Variants in MERTK observed in about 807,000 individuals in gnomAD.
The protein encoded by MERTK is tyrosine-protein kinase Mer.
A neutral mutation model predicts 99.3 loss-of-function variants in MERTK; 69 were observed. The observed-to-expected ratio is 0.70, with a 90% CI of 0.57 to 0.85. MERTK has a LOEUF of 0.85. MERTK is among the 40% of genes least tolerant of loss of function. The pLI is 0.00. For missense variants in MERTK, 1,125 were observed against 1,249.4 expected (o/e 0.90, Z 1.50); for synonymous variants, 426 against 467.6 (o/e 0.91, Z 1.15).
intron 1 of MERTK, among the ~76,000 whole-genome samples, chr2:111,923,068 C>T (rs894621182): frequency 6.6e-6 from 1 of 152,220 alleles, no homozygotes; most frequent in African/African-American, 2.4e-5. Context: ...TTGCCTGGAC[C>T]ACCTCTCTTC....
intron 4 of MERTK, among the ~76,000 whole-genome samples, chr2:111,953,578 C>T (rs1685093710): frequency 1.3e-5 from 2 of 149,766 alleles, no homozygotes; most frequent in African/African-American, 4.9e-5. Context: ...ATTGTTCTCT[C>T]TTTTTTTTTT....
intron 15 of MERTK, among the ~76,000 whole-genome samples, chr2:112,014,397 T>C (rs927211845): frequency 2.6e-5 from 4 of 151,442 alleles, no homozygotes; most frequent in Admixed American, 1.3e-4. Flanking sequence ...ACTCCCGACC[T>C]CAAGTGATCA....
intron 2 of MERTK, chr2:111,941,062 C>CT (rs1684857938): frequency 2.2e-6 from 1 of 455,098 alleles, no homozygotes; most frequent in Non-Finnish European, 4.2e-6. Flanking sequence ...CTCTCTTTGG[C>CT]TTTTACTCTT....
chr2:111,997,085 A>C, intron 9 of MERTK: 1 of 657,518 alleles, frequency 1.5e-6, no homozygotes. Context: ...TGTGGAGTAC[A>C]GTGTGACATT....
chr2:112,009,859 C>T lies in MERTK; in HGVS notation c.1961-89C>T, dbSNP rs1326832103. 5.4e-5 allele frequency: 53 copies of T among 976,216 alleles called. No homozygotes were observed. The East Asian group carries it at 9.4e-4, about 17-fold the overall frequency. 60.5% of individuals were successfully genotyped at this position (976,216 alleles called of 1,614,324 possible). A position where few individuals can be genotyped will look rare whatever the true frequency, so the allele number is the denominator to read the frequency against. On this transcript the variant is annotated intron_variant, in intron 14 of 18. Coordinates refer to ENST00000295408, the MANE Select transcript of MERTK (RefSeq NM_006343.3). ...TTCAAACTGTTAACTTGGTAACACA[C>T]GGCTTCAGTTTTTCCAGTGGTCCAC...
At position 112,022,285 on chromosome 2, in the gene MERTK, A is replaced by G. The variant is rs1013178978; in HGVS notation, c.2377A>G (p.Ile793Val). ...VWAFGVTMWE[I>V]ATRGMTPYPG... The stretch of plus-strand genomic sequence containing the variant: ...GGCATTTGGCGTGACCATGTGGGAA[A>G]TAGCTACGCGGGGAATGACTCCCTA... The change falls in exon 18 of 19, where the codon ATA (isoleucine) becomes GTA (valine). Residue 793 changes from isoleucine to valine, a missense_variant. Physicochemically the swap from Ile to Val is conservative, Grantham distance 29. Coordinates refer to ENST00000295408, the MANE Select transcript of MERTK (RefSeq NM_006343.3). The G allele has an allele frequency of 1.2e-6, 2 of 1,614,224 alleles. No individual in the cohort carries two copies. Among genetic ancestry groups the G allele is most frequent in the Non-Finnish European group, 1.7e-6 (2 of 1,180,046 alleles).
intron 4 of MERTK, among the ~76,000 whole-genome samples, chr2:111,953,927 C>T (rs143154879): frequency 1.7e-4 from 26 of 152,312 alleles, no homozygotes; most frequent in African/African-American, 6.0e-4. Flanking sequence ...TCTGCCCTTC[C>T]ACCACCATGG....
chr2:112,010,282 C>T (rs747742415), intron 15 of MERTK: 4 of 499,524 alleles, frequency 8.0e-6, no homozygotes, highest in Non-Finnish European at 1.5e-5. Context: ...GGGTAAGTGG[C>T]TGCGTGCACA....
intron 4 of MERTK, among the ~76,000 whole-genome samples, chr2:111,961,769 C>T (rs1448723515): frequency 6.6e-6 from 1 of 152,120 alleles, no homozygotes; most frequent in African/African-American, 2.4e-5. Flanking sequence ...ACATTTAACC[C>T]CTCAGGAGAA....
At chr2:111,927,370 A>T (rs922364138) in intron 1 of MERTK, among the ~76,000 whole-genome samples, 1 of 152,158 alleles carries the variant, frequency 6.6e-6, no homozygotes, top group Non-Finnish European at 1.5e-5. Context: ...AACCTAGAGG[A>T]AAAATTCCCA....
In MERTK at chr2:112,019,449, G is replaced by A. The variant is rs1170946687; in HGVS notation, c.2116G>A (p.Asp706Asn). Residue 706 changes from aspartate to asparagine, a missense_variant, in exon 16 of 19, where the codon GAT becomes AAT. By Grantham distance (23) the Asp-to-Asn change is conservative. Coordinates refer to ENST00000295408, the MANE Select transcript of MERTK (RefSeq NM_006343.3). Reference protein sequence around the residue: ...PLQTLLKFMVDIALGMEYLSN... With the variant: ...PLQTLLKFMVNIALGMEYLSN... ...GCAGACACTATTGAAGTTCATGGTG[G>A]ATATTGCCCTGGGAATGGAGTATCT... The A allele has an allele frequency of 6.2e-7, 1 of 1,613,702 alleles. No homozygotes were observed. The highest frequency in any genetic ancestry group is 1.3e-5 in the African/African-American group (1 of 74,978).
intron 9 of MERTK, 116 bp from the exon 10 acceptor site, chr2:111,997,207 A>G (rs759398101): frequency 1.7e-6 from 2 of 1,204,614 alleles, no homozygotes; most frequent in South Asian, 1.2e-5. Flanking sequence ...CTATATTTGT[A>G]GATTATAAAA....
intron 2 of MERTK, among the ~76,000 whole-genome samples, chr2:111,936,356 T>C (rs1362915672): frequency 6.6e-6 from 1 of 152,196 alleles, no homozygotes; most frequent in Non-Finnish European, 1.5e-5. Flanking sequence ...TGTAATCTGC[T>C]GTTGTGAAAT....
At chr2:111,932,537 A>G (rs1178251398) in intron 2 of MERTK, among the ~76,000 whole-genome samples, 5 of 152,218 alleles carry the variant, frequency 3.3e-5, no homozygotes, top group East Asian at 1.9e-4. Flanking sequence ...ATTTGCCTGT[A>G]TATGATTCTT....
intron 2 of MERTK, among the ~76,000 whole-genome samples, chr2:111,931,396 A>G (rs1684668308): frequency 6.6e-6 from 1 of 152,214 alleles, no homozygotes; most frequent in South Asian, 2.1e-4. Context: ...TTACAATTAC[A>G]TAGACATAGC....
intron 2 of MERTK, 96 bp from the exon 3 acceptor site, chr2:111,944,864 C>A: frequency 9.7e-7 from 1 of 1,026,268 alleles, no homozygotes; most frequent in Non-Finnish European, 1.5e-6. Context: ...AATTAACTAT[C>A]ACAGCATATG....
chr2:111,916,840 G>A (rs1236116619), intron 1 of MERTK, among the ~76,000 whole-genome samples: 1 of 152,092 alleles, frequency 6.6e-6, no homozygotes, highest in African/African-American at 2.4e-5. Flanking sequence ...GCTCTGGCTG[G>A]GGAAGAGGGC....
chr2:111,940,936 T>A (rs1684854844), intron 2 of MERTK: 1 of 669,890 alleles, frequency 1.5e-6, no homozygotes, highest in Non-Finnish European at 2.9e-6. Context: ...GATTTTCTGG[T>A]CTTCAAGCCA....
intron 7 of MERTK, among the ~76,000 whole-genome samples, chr2:111,977,385 G>A (rs1340384626): frequency 6.6e-6 from 1 of 152,112 alleles, no homozygotes; most frequent in East Asian, 1.9e-4. Context: ...AAAAGAAGTT[G>A]CTCCCCTATC....
Sources: gnomAD v4.1 joint callset for allele counts (sites outside exome capture counted in the v4.1 genomes callset) on GRCh38, gnomAD v4.1.1 for gene constraint, MANE v1.5 for transcripts, NCBI Gene and HGNC (gene_info 2026-07-23, HGNC 2026-07-21) for gene names.